SHISA5: variants seen among roughly 807,000 people sequenced by gnomAD.
SHISA5 encodes protein shisa-5.
Under a neutral mutation model 27.5 loss-of-function variants are expected in SHISA5, and 21 were observed. That is an observed-to-expected ratio of 0.76 (90% confidence interval 0.54 to 1.10). The LOEUF is 1.10. Among genes scored for constraint, SHISA5 ranks in the 50% least tolerant of loss-of-function variants. SHISA5 has a pLI of 0.00. For missense variants in SHISA5, 314 were observed against 336.3 expected (o/e 0.93, Z 0.52); for synonymous variants, 137 against 142.2 (o/e 0.96, Z 0.26).
rs115288669 is a variant in SHISA5, at chr3:48,474,927, C to T, written c.314+4250G>A. On this transcript the variant is annotated intron_variant, in intron 3 of 5. Coordinates refer to ENST00000296444, the MANE Select transcript of SHISA5 (RefSeq NM_016479.6). ...TCCCCACCATGCAGAAGAGGCCAGGCCCCTCAGCACATGCCCGCACGGAAT... is the reference window on the plus strand; with the variant it reads ...TCCCCACCATGCAGAAGAGGCCAGGTCCCTCAGCACATGCCCGCACGGAAT... 9.4e-3 allele frequency among the ~76,000 whole-genome samples: 1,432 copies of T among 152,280 alleles called. 18 individuals are homozygous for T. Among genetic ancestry groups the T allele is most frequent in the African/African-American group, 0.033 (1,351 of 41,558 alleles).
rs1167902020 is a variant in SHISA5, at chr3:48,470,880, T to A, written c.315-1037A>T. On this transcript the variant is annotated intron_variant, in intron 3 of 5. Coordinates refer to ENST00000296444, the MANE Select transcript of SHISA5 (RefSeq NM_016479.6). The surrounding 1 kb of genome is among the most constrained non-coding windows in gnomAD (Gnocchi z 4.3). ...AGGCAGAGGTTGCATTCAGCCAAGA[T>A]CACGCCATTGCACTCCAGCCTGGGG... Among the ~76,000 whole-genome samples the A allele has an allele frequency of 6.6e-6, 1 of 150,382 alleles. No individual in the cohort carries two copies. The highest frequency in any genetic ancestry group is 1.5e-5 in the Non-Finnish European group (1 of 67,708).
In SHISA5 at chr3:48,469,061, A is replaced by C. The variant is rs367578813; in HGVS notation, c.*46T>G. On this transcript the variant is annotated 3_prime_UTR_variant, in exon 6 of 6. Transcript: ENST00000296444. This position sits in a 1 kb window ranked among gnomAD's most constrained non-coding sequence, Gnocchi z 4.6. Reference sequence around the variant, plus strand: ...AACCGCGCCTGCACACCACTCACGCACACACACAACATAACCAAGTGGCAG... The same window carrying C: ...AACCGCGCCTGCACACCACTCACGCCCACACACAACATAACCAAGTGGCAG... The C allele has an allele frequency of 6.2e-7, 1 of 1,611,060 alleles. No homozygotes were observed. Among genetic ancestry groups the C allele is most frequent in the Non-Finnish European group, 8.5e-7 (1 of 1,179,950 alleles).
intron 2 of SHISA5, among the ~76,000 whole-genome samples, chr3:48,497,019 C>CAT (rs1273260292): frequency 6.6e-6 from 1 of 151,664 alleles, no homozygotes; most frequent in Non-Finnish European, 1.5e-5. Flanking sequence ...CACCTGAGGC[C>CAT]AAGAGTTTGA....
chr3:48,477,083 A>G, intron 3 of SHISA5: 1 of 451,064 alleles, frequency 2.2e-6, no homozygotes, highest in Non-Finnish European at 4.4e-6. Context: ...TTGTTGTCCC[A>G]GCTCAAATCT....
At chr3:48,488,238 C>T (rs1443114483) in intron 2 of SHISA5, among the ~76,000 whole-genome samples, 2 of 142,394 alleles carry the variant, frequency 1.4e-5, no homozygotes. Flanking sequence ...ATCCTCTTGA[C>T]TGCTTTTTTT....
At chr3:48,500,782 A>G (rs977914878) in intron 2 of SHISA5, among the ~76,000 whole-genome samples, 2 of 152,182 alleles carry the variant, frequency 1.3e-5, no homozygotes, top group Non-Finnish European at 2.9e-5. Context: ...GGGCATGCGC[A>G]TACTGTGGGG....
Position 48,468,478 on chromosome 3 carries a change from T to C in SHISA5, c.*629A>G. On this transcript the variant is annotated 3_prime_UTR_variant, in exon 6 of 6. Coordinates refer to ENST00000296444, the MANE Select transcript of SHISA5 (RefSeq NM_016479.6). The stretch of plus-strand genomic sequence containing the variant: ...GCTGAGTAGGGCTCTGCCTGAGGTG[T>C]TCTGGCATCAGGAGGCTGCCTGATC... 1 of 1,179,054 alleles carries C rather than the reference T, an allele frequency of 8.5e-7. No homozygotes were observed. Among genetic ancestry groups the C allele is most frequent in the South Asian group, 1.7e-5 (1 of 60,256 alleles). 73.0% of individuals were successfully genotyped at this position (1,179,054 alleles called of 1,614,324 possible). A position where few individuals can be genotyped will look rare whatever the true frequency, so the allele number is the denominator to read the frequency against.
At chr3:48,500,802 G>T (rs2041730939) in intron 2 of SHISA5, among the ~76,000 whole-genome samples, 1 of 152,184 alleles carries the variant, frequency 6.6e-6, no homozygotes, top group Non-Finnish European at 1.5e-5. Flanking sequence ...GTATAGTCAA[G>T]CCCAAGTACC....
rs756350853 is a variant in SHISA5 at position 48,469,505 on chromosome 3, G to A, written c.499C>T (p.Pro167Ser). 6.2e-7 allele frequency: 1 copy of A among 1,613,812 alleles called. No homozygotes were observed. Among genetic ancestry groups the A allele is most frequent in the Non-Finnish European group, 8.5e-7 (1 of 1,179,930 alleles). Residue 167 changes from proline (P) to serine (S), a missense_variant, in exon 5 of 6, where the codon CCC (proline) becomes TCC (serine). Physicochemically the swap from Pro to Ser is moderately conservative, Grantham distance 74. Transcript: ENST00000296444. The surrounding 1 kb of genome is among the most constrained non-coding windows in gnomAD (Gnocchi z 4.6). ...APYPQPPSVP[P>S]SYPGPSYQGY... ...TGGTAGCTTGGTCCAGGGTAGCTGG[G>A]CGGCACACTTGGAGGCTGAGGATAA... is the stretch of plus-strand genomic sequence containing the variant.
chr3:48,469,188 T>C lies in SHISA5; in HGVS notation c.644-2A>G. On this transcript the variant is annotated splice_acceptor_variant, in intron 5 of 5. Coordinates refer to ENST00000296444, the MANE Select transcript of SHISA5 (RefSeq NM_016479.6). LOFTEE classifies it high-confidence loss of function. This position sits in a 1 kb window ranked among gnomAD's most constrained non-coding sequence, Gnocchi z 4.6. Reference sequence around the variant, plus strand: ...CGGGGTAGGGCGCGGCTGCTCCTCCTGAAAGCAGAGAGGACCCTGGTTGGC... The same window carrying C: ...CGGGGTAGGGCGCGGCTGCTCCTCCCGAAAGCAGAGAGGACCCTGGTTGGC... The C allele has an allele frequency of 6.2e-7, 1 of 1,611,802 alleles. No individual in the cohort carries two copies. Among genetic ancestry groups the C allele is most frequent in the South Asian group, 1.1e-5 (1 of 91,012 alleles).
chr3:48,484,737 CA>C (rs1259278072), intron 2 of SHISA5, among the ~76,000 whole-genome samples: 46 of 147,952 alleles, frequency 3.1e-4, no homozygotes, highest in African/African-American at 1.1e-3. Context: ...ACTAAAAATA[CA>C]AAAAATTAGC....
In SHISA5 at chr3:48,468,521, G is replaced by C; in HGVS notation, c.*586C>G. 8.4e-7 allele frequency: 1 copy of C among 1,185,900 alleles called. No homozygotes were observed. The highest frequency in any genetic ancestry group is 1.1e-6 in the Non-Finnish European group (1 of 941,554). The allele number at this position is 1,185,900 out of a possible 1,614,324, so 73.5% of individuals were successfully genotyped here. On this transcript the variant is annotated 3_prime_UTR_variant, in exon 6 of 6. Transcript: ENST00000296444. ...GCCTGATCCCCAACAGGCATGACAG[G>C]CTCCAGGGAGCAATGGGACATCTGC...
rs866213854 is a variant in SHISA5 at position 48,470,274 on chromosome 3, C to T, written c.315-431G>A. On this transcript the variant is annotated intron_variant, in intron 3 of 5. Transcript: ENST00000296444. This position sits in a 1 kb window ranked among gnomAD's most constrained non-coding sequence, Gnocchi z 4.3. ...CCCACAGTCCAGTGTAGGAGGCAGACAGTGAAGATAACATGGCTCACAAAG... is the reference window on the plus strand; with the variant it reads ...CCCACAGTCCAGTGTAGGAGGCAGATAGTGAAGATAACATGGCTCACAAAG... Among the ~76,000 whole-genome samples, 1 of 152,226 alleles carries T rather than the reference C, an allele frequency of 6.6e-6. No individual in the cohort carries two copies. Among genetic ancestry groups the T allele is most frequent in the Non-Finnish European group, 1.5e-5 (1 of 68,040 alleles).
intron 2 of SHISA5, among the ~76,000 whole-genome samples, chr3:48,485,095 C>G (rs2041153859): frequency 6.6e-6 from 1 of 151,874 alleles, no homozygotes; most frequent in South Asian, 2.1e-4. Context: ...AGGAGGATCA[C>G]TTGAGGGAGG....
At chr3:48,492,190 G>C (rs1027055089) in intron 2 of SHISA5, among the ~76,000 whole-genome samples, 16 of 112,996 alleles carry the variant, frequency 1.4e-4, no homozygotes, top group South Asian at 6.4e-4. Flanking sequence ...AAAAAAAAAG[G>C]CCAGGCGCGG....
At chr3:48,499,259 C>T (rs1196012144) in intron 2 of SHISA5, among the ~76,000 whole-genome samples, 1 of 152,116 alleles carries the variant, frequency 6.6e-6, no homozygotes, top group East Asian at 1.9e-4. Context: ...ACTGCAGTCT[C>T]AACCTGCTAG....
chr3:48,498,810 G>A (rs1425850008), intron 2 of SHISA5, among the ~76,000 whole-genome samples: 2 of 151,224 alleles, frequency 1.3e-5, no homozygotes, highest in South Asian at 2.1e-4. Context: ...ATACGGGCGC[G>A]GTGGCTCACG....
chr3:48,476,912 C>T (rs1388074811), intron 3 of SHISA5: 1 of 359,208 alleles, frequency 2.8e-6, no homozygotes, highest in Non-Finnish European at 5.5e-6. Context: ...GCTATGCACA[C>T]CACGGCGGCA....
At chr3:48,493,240 G>A (rs1404620022) in intron 2 of SHISA5, among the ~76,000 whole-genome samples, 3 of 146,884 alleles carry the variant, frequency 2.0e-5, no homozygotes, top group Non-Finnish European at 4.4e-5. Context: ...ACCAGCCTGG[G>A]CAACATAGTA....
Sources: gnomAD v4.1 joint callset for allele counts (sites outside exome capture counted in the v4.1 genomes callset) on GRCh38, gnomAD v4.1.1 for gene constraint, Gnocchi (gnomAD v3.1) non-coding constraint, MANE v1.5 for transcripts, NCBI Gene and HGNC (gene_info 2026-07-23, HGNC 2026-07-21) for gene names.